The following LUC7L variants were observed in gnomAD, a reference collection of about 807,000 sequenced individuals.
LUC7L encodes the protein putative RNA-binding protein Luc7-like 1.
In LUC7L, 29 loss-of-function variants were observed where a neutral mutation model predicts 51.1. The observed-to-expected ratio is 0.57, with a 90% CI of 0.42 to 0.77. The LOEUF (loss-of-function observed/expected upper bound fraction) is 0.77. Among genes scored for constraint, LUC7L ranks in the 30% least tolerant of loss-of-function variants. The pLI, the probability that LUC7L is intolerant of heterozygous loss-of-function variation, is 0.00. For missense variants in LUC7L, 403 were observed against 511.9 expected, an observed-to-expected ratio of 0.79 and a Z score of 2.05; for synonymous variants, 181 against 180.7, an observed-to-expected ratio of 1.00 and a Z score of -0.01.
chr16:202,023 C>G (rs1231848417), intron 5 of LUC7L, among the ~76,000 whole-genome samples: 1 of 152,030 alleles, frequency 6.6e-6, no homozygotes, highest in Non-Finnish European at 1.5e-5. Flanking sequence ...GGATTACAGG[C>G]ATGAGCAACC....
Position 199,497 on chromosome 16 carries a change from C to T in LUC7L, c.511-259G>A, listed in dbSNP as rs138758340. 8.1e-3 allele frequency among the ~76,000 whole-genome samples: 1,239 copies of T among 152,220 alleles called. 12 individuals are homozygous for T. The highest frequency in any genetic ancestry group is 0.029 in the African/African-American group (1,198 of 41,554). The stretch of plus-strand genomic sequence containing the variant: ...GTCAAGAGATCAAGACCAGGCCAGG[C>T]GCGGTGGCTCACGCCTGTAATCCCA... On this transcript the variant is annotated intron_variant, in intron 5 of 9. Transcript: ENST00000293872.
intron 5 of LUC7L, among the ~76,000 whole-genome samples, 194 bp from the exon 6 acceptor site, chr16:199,432 G>A (rs187316419): frequency 4.6e-5 from 7 of 152,218 alleles, no homozygotes; most frequent in Admixed American, 3.9e-4. Context: ...GGCCAGGCAC[G>A]GTCCCAGCAC....
In LUC7L at chr16:220,473, C is replaced by T. The variant is rs561595859; in HGVS notation, c.255+176G>A. ...ATTATCATTTAGGACACTGACAGGA[C>T]GCTGGACACAACATATAAACAGTAC... On this transcript the variant is annotated intron_variant, in intron 3 of 9. Coordinates refer to ENST00000293872, the MANE Select transcript of LUC7L (RefSeq NM_201412.3). The T allele has an allele frequency of 3.9e-5, 22 of 571,280 alleles. No individual in the cohort carries two copies. In the East Asian group the frequency reaches 4.0e-4, roughly 10 times the overall value. The allele number at this position is 571,280 out of a possible 1,614,324, so 35.4% of individuals were successfully genotyped here. A position where few individuals can be genotyped will look rare whatever the true frequency, so the allele number is the denominator to read the frequency against.
chr16:223,009 G>A (rs954755736), intron 2 of LUC7L, among the ~76,000 whole-genome samples: 2 of 151,242 alleles, frequency 1.3e-5, no homozygotes, highest in African/African-American at 4.9e-5. Context: ...TCTTGAGGGG[G>A]AAAAAAATAG....
chr16:229,130 C>A, intron 1 of LUC7L, 149 bp downstream of exon 1: 2 of 1,405,286 alleles, frequency 1.4e-6, no homozygotes, highest in Non-Finnish European at 1.8e-6. Flanking sequence ...TAGACAAAGG[C>A]CCGGCGCCTG....
At chr16:208,278 G>C (rs1205419389) in intron 3 of LUC7L, 90 bp from the exon 4 acceptor site, 11 of 932,162 alleles carry the variant, frequency 1.2e-5, no homozygotes, top group Admixed American at 9.3e-5. Context: ...TACACTCCTA[G>C]GTTCGTTTCT....
At chr16:199,498 G>A (rs963726006) in intron 5 of LUC7L, among the ~76,000 whole-genome samples, 1 of 152,130 alleles carries the variant, frequency 6.6e-6, no homozygotes, top group South Asian at 2.1e-4. Flanking sequence ...CAGGCCAGGC[G>A]CGGTGGCTCA....
At chr16:228,569 A>C in intron 1 of LUC7L, 2 of 1,194,848 alleles carry the variant, frequency 1.7e-6, no homozygotes, top group Non-Finnish European at 2.1e-6. Context: ...GCCAGTGTGA[A>C]CTTACAACTT....
chr16:228,326 G>C (rs1221323336), intron 1 of LUC7L: 3 of 1,304,162 alleles, frequency 2.3e-6, no homozygotes, highest in African/African-American at 3.0e-5. Context: ...AATTGGTTGT[G>C]ACTCACGGCT....
At chr16:220,546 ACCTT>A (rs1348349963) in intron 3 of LUC7L, 99 bp downstream of exon 3, 5 of 829,420 alleles carry the variant, frequency 6.0e-6, no homozygotes, top group Non-Finnish European at 1.0e-5. Flanking sequence ...ACAAGCAACT[ACCTT>A]ATTATTTTGC....
chr16:214,763 C>T (rs1324405379), intron 3 of LUC7L, among the ~76,000 whole-genome samples: 4 of 152,094 alleles, frequency 2.6e-5, no homozygotes, highest in South Asian at 2.1e-4. Flanking sequence ...TGGGCTCATG[C>T]GACCCACCCA....
Position 222,967 on chromosome 16 carries a change from A to C in LUC7L, c.157-2220T>G, listed in dbSNP as rs186835914. On this transcript the variant is annotated intron_variant, in intron 2 of 9. Coordinates refer to ENST00000293872, the MANE Select transcript of LUC7L (RefSeq NM_201412.3). Reference sequence around the variant, plus strand: ...CCCGTCTTTTAAAAAAAAAAAAAAAAAAAGAAAGGAAGGCTTTAAACCTTT... The same window carrying C: ...CCCGTCTTTTAAAAAAAAAAAAAAACAAAGAAAGGAAGGCTTTAAACCTTT... Among the ~76,000 whole-genome samples, 422 of 150,688 alleles carry C rather than the reference A, an allele frequency of 2.8e-3. 2 individuals are homozygous for C. The highest frequency in any genetic ancestry group is 0.01 in the African/African-American group (415 of 40,564).
At chr16:189,915 A>G (rs376248494) in intron 9 of LUC7L, 53 bp downstream of exon 9, 15 of 1,568,966 alleles carry the variant, frequency 9.6e-6, no homozygotes, top group Non-Finnish European at 1.3e-5. Context: ...CCCTGGGAAC[A>G]CAGAGAAGGG....
intron 3 of LUC7L, among the ~76,000 whole-genome samples, chr16:212,290 T>C (rs1234550947): frequency 3.3e-5 from 5 of 151,948 alleles, no homozygotes; most frequent in South Asian, 2.1e-4. Flanking sequence ...CGAAACTCCA[T>C]CTCAAAAAAC....
At chr16:216,026 G>A (rs573604826) in intron 3 of LUC7L, among the ~76,000 whole-genome samples, 4 of 151,916 alleles carry the variant, frequency 2.6e-5, no homozygotes, top group East Asian at 1.9e-4. Flanking sequence ...TTTGAGATGG[G>A]ATTTCGCTCT....
At chr16:197,502 A>C (rs1220540775) in intron 6 of LUC7L, among the ~76,000 whole-genome samples, 4 of 152,108 alleles carry the variant, frequency 2.6e-5, no homozygotes, top group Admixed American at 6.6e-5. Flanking sequence ...GAGCCACCAC[A>C]CCCAGCCTCA....
intron 5 of LUC7L, among the ~76,000 whole-genome samples, chr16:200,981 G>A (rs1033512427): frequency 2.0e-5 from 3 of 151,520 alleles, no homozygotes; most frequent in Non-Finnish European, 2.9e-5. Flanking sequence ...TCAGGAGTCC[G>A]AGAAGGTGAA....
chr16:190,902 A>C, intron 7 of LUC7L: 1 of 237,392 alleles, frequency 4.2e-6, no homozygotes, highest in Non-Finnish European at 8.1e-6. Context: ...AAAAAAGTGA[A>C]TGACTTCCCG....
chr16:195,643 C>G (rs1284329014), intron 6 of LUC7L, among the ~76,000 whole-genome samples: 1 of 152,176 alleles, frequency 6.6e-6, no homozygotes, highest in Non-Finnish European at 1.5e-5. Flanking sequence ...ACGCTGGTCT[C>G]AAACTCCTGG....
Sources: gnomAD v4.1 joint callset for allele counts (sites outside exome capture counted in the v4.1 genomes callset) on GRCh38, gnomAD v4.1.1 for gene constraint, MANE v1.5 for transcripts, NCBI Gene and HGNC (gene_info 2026-07-23, HGNC 2026-07-21) for gene names.